PLOD3: variants seen among roughly 807,000 people sequenced by gnomAD.
PLOD3 encodes the protein procollagen-lysine,2-oxoglutarate 5-dioxygenase 3.
Under a neutral mutation model 96.9 loss-of-function variants are expected in PLOD3, and 73 were observed. The observed-to-expected ratio is 0.75, with a 90% CI of 0.62 to 0.92. The LOEUF (loss-of-function observed/expected upper bound fraction) is 0.92, where lower values mean the gene tolerates loss of function less well. Among genes scored for constraint, PLOD3 ranks in the 40% least tolerant of loss-of-function variants. The probability of loss-of-function intolerance (pLI) is 0.00; values close to 1 mark genes in which losing one functional copy is unlikely to be tolerated. For synonymous variants in PLOD3, 454 were observed against 413.7 expected (o/e 1.10, Z -1.18); for missense variants, 1,004 against 1,004.3 (o/e 1.00, Z 0.00).
In PLOD3 at chr7:101,206,274, T is replaced by C. The variant is rs957745499; in HGVS notation, c.*7A>G. On this transcript the variant is annotated 3_prime_UTR_variant, in exon 19 of 19. Coordinates refer to ENST00000223127, the MANE Select transcript of PLOD3 (RefSeq NM_001084.5). ...TGGCAGGGCAGGTTTGGCAGAGTGGTTGAGTGTCAGGGGTCGACAAAGGAC... is the reference window on the plus strand; with the variant it reads ...TGGCAGGGCAGGTTTGGCAGAGTGGCTGAGTGTCAGGGGTCGACAAAGGAC... 2 of 1,613,382 alleles carry C rather than the reference T, an allele frequency of 1.2e-6. No homozygotes were observed. The highest frequency in any genetic ancestry group is 1.3e-5 in the African/African-American group (1 of 74,848).
At chr7:101,206,998 T>C in intron 17 of PLOD3, 94 bp from the exon 18 acceptor site, 1 of 1,414,296 alleles carries the variant, frequency 7.1e-7, no homozygotes. Context: ...ATAGTCTCGC[T>C]CTGTCACTCA....
intron 11 of PLOD3, 50 bp downstream of exon 11, chr7:101,211,796 C>T: frequency 6.3e-7 from 1 of 1,587,548 alleles, no homozygotes; most frequent in South Asian, 1.1e-5. Context: ...AGTGGGGTTC[C>T]CGGGGCCTGT....
In PLOD3 at chr7:101,206,863, G is replaced by A. The variant is rs11546151; in HGVS notation, c.1977C>T (p.Asp659=). The A allele has an allele frequency of 0.012, 18,497 of 1,562,240 alleles. 264 individuals carry two copies. The highest frequency in any genetic ancestry group is 0.079 in the East Asian group (3,314 of 42,190). ...GGTGTGGCCGCAGAGACGGCTGCTC[G>A]TCTGGCCGGTAGCGAACCACAAAGT... ...VMNFVVRYRP[D]EQPSLRPHHD... Residue 659 remains aspartate (D), a synonymous_variant, in exon 18 of 19, where the codon GAC becomes GAT. Coordinates refer to ENST00000223127, the MANE Select transcript of PLOD3 (RefSeq NM_001084.5).
intron 5 of PLOD3, among the ~76,000 whole-genome samples, chr7:101,215,475 A>T (rs544383248): frequency 6.6e-6 from 1 of 152,186 alleles, no homozygotes; most frequent in East Asian, 1.9e-4. Context: ...AGCCTCCCAA[A>T]GTGCTGGGAT....
Position 101,212,149 on chromosome 7 carries a change from G to A in PLOD3, c.1127+104C>T, listed in dbSNP as rs774644543. ...GGATGCGAATGGGGAGGCCCAGGAG[G>A]GGCTGGATGGGTGACAGGTGAGGCA... On this transcript the variant is annotated intron_variant, in intron 10 of 18. Coordinates refer to ENST00000223127, the MANE Select transcript of PLOD3 (RefSeq NM_001084.5). 662 of 1,461,922 alleles carry A rather than the reference G, an allele frequency of 4.5e-4. 1 individual carries two copies. The highest frequency in any genetic ancestry group is 5.8e-4 in the Non-Finnish European group (616 of 1,055,430). The allele number at this position is 1,461,922 out of a possible 1,614,324, so 90.6% of individuals were successfully genotyped here.
chr7:101,216,481 CT>C lies in PLOD3; in HGVS notation c.266del (p.Lys89ArgfsTer5). 6.2e-7 allele frequency: 1 copy of C among 1,614,130 alleles called. No homozygotes were observed. The highest frequency in any genetic ancestry group is 8.5e-7 in the Non-Finnish European group (1 of 1,179,980). ...CCATTTCCTTCTTTAACCACCGGAC[CT>C]TCTGTCCTCCACCAACTGTTCGAGC... ...DVARTVGGGQ[K>X]VRWLKKEMEK... On this transcript the variant is annotated frameshift_variant, in exon 3 of 19. Transcript: ENST00000223127. LOFTEE classifies it high-confidence loss of function.
chr7:101,206,018 G>A lies in PLOD3; in HGVS notation c.*263C>T. 5.2e-6 allele frequency: 3 copies of A among 572,604 alleles called. No individual in the cohort carries two copies. The highest frequency in any genetic ancestry group is 3.0e-5 in the East Asian group (1 of 33,416). The allele number at this position is 572,604 out of a possible 1,614,324, so 35.5% of individuals were successfully genotyped here. A position where few individuals can be genotyped will look rare whatever the true frequency, so the allele number is the denominator to read the frequency against. ...GTCCTTTATTCAGAGTGAGACTGCG[G>A]AACATTAATAATTTATCACGCGGGG... is the stretch of plus-strand genomic sequence containing the variant. On this transcript the variant is annotated 3_prime_UTR_variant, in exon 19 of 19. Coordinates refer to ENST00000223127, the MANE Select transcript of PLOD3 (RefSeq NM_001084.5).
At chr7:101,216,382 CCCCGCT>C (rs1326404569) in intron 3 of PLOD3, 22 bp downstream of exon 3, 1 of 1,613,140 alleles carries the variant, frequency 6.2e-7, no homozygotes, top group Non-Finnish European at 8.5e-7. Context: ...AGCATCCTTA[CCCCGCT>C]CCCTATCCCC....
chr7:101,206,911 G>A lies in PLOD3; in HGVS notation c.1936-7C>T, dbSNP rs1424752468. 21 of 1,555,264 alleles carry A rather than the reference G, an allele frequency of 1.4e-5. No homozygotes were observed. Among genetic ancestry groups the A allele is most frequent in the Middle Eastern group, 1.7e-4 (1 of 5,950 alleles). On this transcript the variant is annotated splice_polypyrimidine_tract_variant and splice_region_variant and intron_variant, in intron 17 of 18. Coordinates refer to ENST00000223127, the MANE Select transcript of PLOD3 (RefSeq NM_001084.5). ...AGTTCATCACCGCCCGCGCCTGGGG[G>A]AGAGGAGGGAAGAGGCTGCAGGGAC...
At chr7:101,215,771 G>C in intron 5 of PLOD3, 137 bp downstream of exon 5, 2 of 703,152 alleles carry the variant, frequency 2.8e-6, no homozygotes, top group Non-Finnish European at 5.1e-6. Flanking sequence ...CAAAAGTCTT[G>C]GATGACAGGC....
chr7:101,210,907 G>GTC (rs2116801244), intron 12 of PLOD3: 1 of 524,434 alleles, frequency 1.9e-6, no homozygotes, highest in Non-Finnish European at 3.5e-6. Context: ...TTGAGACGGA[G>GTC]TCTTGCTCTG....
At chr7:101,212,801 A>C (rs1319723942) in intron 8 of PLOD3, 41 bp downstream of exon 8, 2 of 1,565,944 alleles carry the variant, frequency 1.3e-6, no homozygotes, top group Non-Finnish European at 1.8e-6. Flanking sequence ...CCTGCTCAGC[A>C]CGCTGCCCTC....
chr7:101,213,427 AGGAAG>A lies in PLOD3; in HGVS notation c.680-228_680-224del. On this transcript the variant is annotated intron_variant, in intron 6 of 18. Transcript: ENST00000223127. ...TGCGTGATCACACCGCAGCTGGGCG[AGGAAG>A]GGGAGGGTGAGCTGAGCGGGAGGCC... 4 of 586,430 alleles carry A rather than the reference AGGAAG, an allele frequency of 6.8e-6. No homozygotes were observed. In the South Asian group the frequency reaches 7.7e-5, roughly 11 times the overall value. 36.3% of individuals were successfully genotyped at this position (586,430 alleles called of 1,614,324 possible).
chr7:101,211,114 C>T (rs1000878971), intron 12 of PLOD3: 14 of 217,796 alleles, frequency 6.4e-5, no homozygotes, highest in Non-Finnish European at 1.2e-4. Context: ...CTCCTGACCT[C>T]GAGTAATCCA....
chr7:101,207,989 C>A (rs997229611), intron 16 of PLOD3, among the ~76,000 whole-genome samples: 2 of 152,228 alleles, frequency 1.3e-5, no homozygotes, highest in Non-Finnish European at 2.9e-5. Flanking sequence ...CCAGGCTGCT[C>A]ATCGCAGCCT....
chr7:101,214,445 T>C (rs1798236749), intron 6 of PLOD3, among the ~76,000 whole-genome samples: 1 of 152,046 alleles, frequency 6.6e-6, no homozygotes, highest in Non-Finnish European at 1.5e-5. Context: ...TCTCTCCCCG[T>C]TCTCCCCATC....
chr7:101,212,816 G>T, intron 8 of PLOD3, 26 bp downstream of exon 8: 1 of 1,583,770 alleles, frequency 6.3e-7, no homozygotes, highest in Non-Finnish European at 8.7e-7. Context: ...GCCCTCTCGT[G>T]CCCCTCCCTG....
Position 101,216,193 on chromosome 7 carries a change from C to T in PLOD3, c.472G>A (p.Gly158Ser), listed in dbSNP as rs766353700. The T allele has an allele frequency of 6.2e-7, 1 of 1,613,950 alleles. No homozygotes were observed. The highest frequency in any genetic ancestry group is 1.7e-5 in the Admixed American group (1 of 59,984). The change falls in exon 4 of 19, where the codon GGC becomes AGC. Residue 158 changes from glycine to serine, a missense_variant. Around this residue, in one of 5 missense-constraint regions of PLOD3, gnomAD observed 690 missense variants for 650.2 expected, o/e 1.06. Coordinates refer to ENST00000223127, the MANE Select transcript of PLOD3 (RefSeq NM_001084.5). ...WGLAEQYPEV[G>S]TGKRFLNSGG... ...GAATTGAGGAAGCGCTTCCCCGTGC[C>T]CACCTCAGGGTACTGCTCCGCCAGC...
rs769699387 is a variant in PLOD3 at position 101,210,097 on chromosome 7, T to C, written c.1679A>G (p.Glu560Gly). 8 of 1,592,994 alleles carry C rather than the reference T, an allele frequency of 5.0e-6. No homozygotes were observed. The African/African-American group carries it at 1.1e-4, about 21-fold the overall frequency. The change falls in exon 15 of 19, where the codon GAG (glutamate) becomes GGG (glycine). Residue 560 changes from glutamate (E) to glycine (G), a missense_variant. By Grantham distance (98) the Glu-to-Gly change is moderately conservative (BLOSUM62 -2). Coordinates refer to ENST00000223127, the MANE Select transcript of PLOD3 (RefSeq NM_001084.5). ...SRALEGEGIV[E>G]QPCPDVYWFP... ...GGGGAGGCTGCGTGGGCTCACCTGC[T>C]CCACGATTCCTTCCCCTTCCAGGGC...
Sources: allele counts gnomAD v4.1 joint callset (sites outside exome capture counted in the v4.1 genomes callset), GRCh38; gene constraint gnomAD v4.1.1; regional missense constraint gnomAD v4.1.1; transcripts MANE v1.5; gene names NCBI Gene and HGNC (gene_info 2026-07-23, HGNC 2026-07-21).